TRAK1: variants seen among roughly 807,000 people sequenced by gnomAD.
The protein encoded by TRAK1 is trafficking kinesin protein 1, also known as trafficking kinesin-binding protein 1.
Under a neutral mutation model 92.1 loss-of-function variants are expected in TRAK1, and 33 were observed. That is an observed-to-expected ratio of 0.36 (90% CI 0.27 to 0.48). The LOEUF (loss-of-function observed/expected upper bound fraction) is 0.48. Among genes scored for constraint, TRAK1 ranks in the 20% least tolerant of loss-of-function variants. The pLI is 0.99. For missense variants in TRAK1, 1,123 were observed against 1,257.9 expected, an observed-to-expected ratio of 0.89 and a Z score of 1.62; for synonymous variants, 521 against 517.3, an observed-to-expected ratio of 1.01 and a Z score of -0.10.
intron 2 of TRAK1, among the ~76,000 whole-genome samples, chr3:42,164,321 C>G (rs983104376): frequency 1.3e-5 from 2 of 152,218 alleles, no homozygotes; most frequent in African/African-American, 2.4e-5. Context: ...TTCAGTTGCT[C>G]TGATAGTTAC....
chr3:42,180,876 A>C (rs548075849), intron 3 of TRAK1, among the ~76,000 whole-genome samples: 1 of 152,168 alleles, frequency 6.6e-6, no homozygotes, highest in Non-Finnish European at 1.5e-5. Flanking sequence ...TATTCTAAGT[A>C]TATTTTTATA....
intron 1 of TRAK1, among the ~76,000 whole-genome samples, chr3:42,068,759 G>T (rs573937053): frequency 1.3e-5 from 2 of 152,346 alleles, no homozygotes; most frequent in Non-Finnish European, 2.9e-5. Context: ...AGTGGTAACT[G>T]TAGAGCAGTC....
intron 14 of TRAK1, among the ~76,000 whole-genome samples, chr3:42,217,006 C>G (rs898903453): frequency 6.6e-6 from 1 of 151,686 alleles, no homozygotes; most frequent in Admixed American, 6.6e-5. Context: ...GGCTTTGGTG[C>G]GTGGCATGGG....
chr3:42,097,851 A>T (rs186829113), intron 1 of TRAK1, among the ~76,000 whole-genome samples: 142 of 152,292 alleles, frequency 9.3e-4, no homozygotes, highest in African/African-American at 3.3e-3. Flanking sequence ...GACCAAACAC[A>T]TACTGATAGG....
intron 1 of TRAK1, among the ~76,000 whole-genome samples, chr3:42,030,689 A>AATATATATATATATATAT (rs57651073): frequency 1.0e-5 from 1 of 97,678 alleles, no homozygotes; most frequent in African/African-American, 5.5e-5. Flanking sequence ...AAAAAAAAAG[A>AATATATATATATATATAT]ATATATATAT....
chr3:42,168,372 T>C (rs1702136262), intron 2 of TRAK1, among the ~76,000 whole-genome samples: 1 of 152,220 alleles, frequency 6.6e-6, no homozygotes, highest in South Asian at 2.1e-4. Flanking sequence ...TATGGCATGG[T>C]TCGGGGATGC....
rs578040980 is a variant in TRAK1 at position 42,132,832 on chromosome 3, C to T, written c.286+7218C>T. 2.0e-5 allele frequency among the ~76,000 whole-genome samples: 3 copies of T among 152,298 alleles called. No individual in the cohort carries two copies. The South Asian group carries it at 6.2e-4, about 32-fold the overall frequency. On this transcript the variant is annotated intron_variant, in intron 2 of 15. Coordinates refer to ENST00000327628, the MANE Select transcript of TRAK1 (RefSeq NM_001042646.3). ...GCCCACCCTGACCTTCCCTTCCTCC[C>T]TCAGCCTCATGTACCCACATACTGA...
In TRAK1 at chr3:42,121,879, G is replaced by A. The variant is rs559071192; in HGVS notation, c.92-3541G>A. ...GTCGCCCAGGCTGGAGTGCAGTGGC[G>A]TGATCTTGGCTTACTGTAACTTCTG... On this transcript the variant is annotated intron_variant, in intron 1 of 15. Coordinates refer to ENST00000327628, the MANE Select transcript of TRAK1 (RefSeq NM_001042646.3). Among the ~76,000 whole-genome samples, 8 of 152,170 alleles carry A rather than the reference G, an allele frequency of 5.3e-5. No individual in the cohort carries two copies. In the South Asian group the frequency reaches 6.2e-4, roughly 12 times the overall value.
Position 42,192,026 on chromosome 3 carries a change from C to T in TRAK1, c.769+390C>T, listed in dbSNP as rs1315105046. On this transcript the variant is annotated intron_variant, in intron 7 of 15. Coordinates refer to ENST00000327628, the MANE Select transcript of TRAK1 (RefSeq NM_001042646.3). ...AAGTGATTCTGCCAGCTTAGCCTCT[C>T]AAGTAGCTAGGATTACAGGCACCCA... Among the ~76,000 whole-genome samples the T allele has an allele frequency of 2.7e-5, 4 of 149,592 alleles. No individual in the cohort carries two copies. In the Admixed American group the frequency reaches 2.7e-4, roughly 10 times the overall value.
intron 5 of TRAK1, 76 bp downstream of exon 5, chr3:42,188,221 G>C (rs1576886535): frequency 7.1e-7 from 1 of 1,400,020 alleles, no homozygotes. Flanking sequence ...GAGTCACCTA[G>C]ACAGGGTCAC....
intron 14 of TRAK1, chr3:42,217,097 C>CTT (rs550975120): frequency 5.9e-4 from 86 of 146,500 alleles, no homozygotes; most frequent in African/African-American, 1.6e-3. Context: ...CTCTCTCTCT[C>CTT]TTTTTTTTTT....
At chr3:42,041,774 C>T (rs1702549069) in intron 1 of TRAK1, among the ~76,000 whole-genome samples, 1 of 148,800 alleles carries the variant, frequency 6.7e-6, no homozygotes, top group African/African-American at 2.5e-5. Context: ...AAGTTCCCTT[C>T]TATTTCTATT....
chr3:42,117,384 G>A (rs191575660), intron 1 of TRAK1, among the ~76,000 whole-genome samples: 9 of 152,174 alleles, frequency 5.9e-5, no homozygotes, highest in Admixed American at 5.2e-4. Flanking sequence ...CAGTTGTGGT[G>A]CTGGTTTCCT....
intron 1 of TRAK1, among the ~76,000 whole-genome samples, chr3:42,123,548 A>G (rs957437546): frequency 3.9e-5 from 6 of 152,260 alleles, no homozygotes; most frequent in African/African-American, 7.2e-5. Flanking sequence ...GTGTGTGCAG[A>G]CATGCACGCA....
chr3:42,179,820 G>A (rs1188631225), intron 3 of TRAK1, among the ~76,000 whole-genome samples: 1 of 152,160 alleles, frequency 6.6e-6, no homozygotes, highest in African/African-American at 2.4e-5. Flanking sequence ...ATTTCCAAGG[G>A]CCTAAATTAC....
chr3:42,211,659 T>G (rs1160201343), intron 14 of TRAK1: 1 of 985,298 alleles, frequency 1.0e-6, no homozygotes, highest in East Asian at 1.1e-4. Context: ...TAAGTGCATC[T>G]TCTAGAAGTT....
chr3:42,165,303 T>G (rs1025581353), intron 2 of TRAK1, among the ~76,000 whole-genome samples: 1 of 152,114 alleles, frequency 6.6e-6, no homozygotes, highest in Non-Finnish European at 1.5e-5. Context: ...TTTGAGGTGT[T>G]GAACACTAAC....
At chr3:42,207,677 C>G (rs941906294) in intron 13 of TRAK1, among the ~76,000 whole-genome samples, 2 of 152,192 alleles carry the variant, frequency 1.3e-5, no homozygotes, top group African/African-American at 2.4e-5. Flanking sequence ...TAAAAAATCA[C>G]AGTGATGCTG....
intron 1 of TRAK1, among the ~76,000 whole-genome samples, chr3:42,060,006 T>A (rs1234148958): frequency 6.6e-6 from 1 of 152,242 alleles, no homozygotes; most frequent in African/African-American, 2.4e-5. Flanking sequence ...CACTTCTTTC[T>A]TTCCCCCTGC....
Sources: gnomAD v4.1 joint callset for allele counts (sites outside exome capture counted in the v4.1 genomes callset) on GRCh38, gnomAD v4.1.1 for gene constraint, MANE v1.5 for transcripts, NCBI Gene and HGNC (gene_info 2026-07-23, HGNC 2026-07-21) for gene names.